The following TBC1D5 variants were observed in gnomAD, a reference collection of about 807,000 sequenced individuals.
The protein encoded by TBC1D5 is TBC1 domain family member 5.
A neutral mutation model predicts 100.3 loss-of-function variants in TBC1D5; 75 were observed. That is an observed-to-expected ratio of 0.75 (90% CI 0.62 to 0.91). TBC1D5 has a LOEUF of 0.91. Among genes scored for constraint, TBC1D5 ranks in the 40% least tolerant of loss-of-function variants. TBC1D5 has a pLI of 0.00. For synonymous variants in TBC1D5, 323 were observed against 325.6 expected (o/e 0.99, Z 0.09); for missense variants, 910 against 942.4 (o/e 0.97, Z 0.45).
chr3:17,313,862 C>A (rs544848076), intron 13 of TBC1D5, among the ~76,000 whole-genome samples: 2 of 152,270 alleles, frequency 1.3e-5, no homozygotes, highest in African/African-American at 4.8e-5. Flanking sequence ...CAGATGGGTA[C>A]CTATTAAGAG....
At chr3:17,423,446 C>T (rs115247339) in intron 4 of TBC1D5, among the ~76,000 whole-genome samples, 1 of 152,178 alleles carries the variant, frequency 6.6e-6, no homozygotes, top group Non-Finnish European at 1.5e-5. Context: ...ATCTTTTTAG[C>T]ATTCAAGTAA....
At chr3:17,423,644 T>C (rs2094270378) in intron 4 of TBC1D5, among the ~76,000 whole-genome samples, 1 of 152,084 alleles carries the variant, frequency 6.6e-6, no homozygotes, top group Admixed American at 6.5e-5. Flanking sequence ...AGAGTGTACA[T>C]TTTTCTTAAG....
intron 2 of TBC1D5, among the ~76,000 whole-genome samples, chr3:17,530,545 G>C (rs1234415873): frequency 6.6e-6 from 1 of 152,152 alleles, no homozygotes; most frequent in Admixed American, 6.5e-5. Flanking sequence ...AGGCATTCCT[G>C]CATATTACTG....
chr3:17,650,315 C>T (rs1168081698), intron 1 of TBC1D5, among the ~76,000 whole-genome samples: 1 of 151,806 alleles, frequency 6.6e-6, no homozygotes, highest in Non-Finnish European at 1.5e-5. Flanking sequence ...AAAAATAAAA[C>T]TGGTATGTCA....
chr3:17,703,334 C>T (rs563425824), intron 1 of TBC1D5, among the ~76,000 whole-genome samples: 18 of 151,678 alleles, frequency 1.2e-4, no homozygotes, highest in Non-Finnish European at 1.9e-4. Context: ...TATATAGATA[C>T]ATCCATGCAT....
intron 16 of TBC1D5, among the ~76,000 whole-genome samples, chr3:17,243,631 T>C (rs1041874329): frequency 6.6e-5 from 10 of 152,146 alleles, no homozygotes; most frequent in Admixed American, 3.3e-4. Flanking sequence ...TAAAAGCTCA[T>C]GTAACTATTT....
intron 1 of TBC1D5, among the ~76,000 whole-genome samples, chr3:17,691,732 A>G (rs904482211): frequency 6.6e-6 from 1 of 151,748 alleles, no homozygotes; most frequent in African/African-American, 2.4e-5. Flanking sequence ...CAGGAGAATC[A>G]CTTGAACCCG....
chr3:17,630,133 G>A (rs966295052), intron 1 of TBC1D5, among the ~76,000 whole-genome samples: 4 of 152,144 alleles, frequency 2.6e-5, no homozygotes, highest in Non-Finnish European at 5.9e-5. Flanking sequence ...CTTAAGAGGA[G>A]GAAGTTCTCA....
At chr3:17,666,728 C>T (rs1020723855) in intron 1 of TBC1D5, among the ~76,000 whole-genome samples, 4 of 151,926 alleles carry the variant, frequency 2.6e-5, no homozygotes, top group East Asian at 1.9e-4. Context: ...ACCTGTGTAA[C>T]GATCTTATAT....
At chr3:17,471,528 A>C (rs2095372059) in intron 3 of TBC1D5, among the ~76,000 whole-genome samples, 1 of 152,154 alleles carries the variant, frequency 6.6e-6, no homozygotes, top group South Asian at 2.1e-4. Context: ...AGGAAAAGGT[A>C]ACAAATAATA....
chr3:17,523,746 TCA>T (rs970312332), intron 2 of TBC1D5, among the ~76,000 whole-genome samples: 5 of 152,214 alleles, frequency 3.3e-5, no homozygotes, highest in African/African-American at 9.6e-5. Context: ...ACAAAAATTT[TCA>T]CATATATCAT....
At chr3:17,248,263 A>T (rs1318747525) in intron 16 of TBC1D5, among the ~76,000 whole-genome samples, 1 of 152,218 alleles carries the variant, frequency 6.6e-6, no homozygotes, top group Non-Finnish European at 1.5e-5. Context: ...AAGTGCTGGC[A>T]TTACAGGCGT....
At chr3:17,255,879 A>C (rs965576259) in intron 16 of TBC1D5, among the ~76,000 whole-genome samples, 1 of 152,118 alleles carries the variant, frequency 6.6e-6, no homozygotes, top group Non-Finnish European at 1.5e-5. Context: ...TACTAAAAAT[A>C]CAAAAAATTA....
At chr3:17,547,578 C>T (rs371701065) in intron 2 of TBC1D5, among the ~76,000 whole-genome samples, 30 of 152,216 alleles carry the variant, frequency 2.0e-4, no homozygotes, top group African/African-American at 7.0e-4. Context: ...GATTTCCTAG[C>T]CTAGAGTGTA....
intron 2 of TBC1D5, among the ~76,000 whole-genome samples, chr3:17,623,141 T>C (rs559924032): frequency 1.7e-4 from 26 of 152,304 alleles, no homozygotes; most frequent in African/African-American, 5.8e-4. Context: ...GTCTGAATTA[T>C]GGCAGTGCTT....
chr3:17,733,674 A>G (rs2076742679), intron 1 of TBC1D5, among the ~76,000 whole-genome samples: 1 of 152,202 alleles, frequency 6.6e-6, no homozygotes, highest in African/African-American at 2.4e-5. Context: ...GATAAAACAC[A>G]GGTACCATAT....
intron 18 of TBC1D5, among the ~76,000 whole-genome samples, chr3:17,187,889 C>T (rs1314004796): frequency 1.3e-5 from 2 of 152,230 alleles, no homozygotes; most frequent in African/African-American, 4.8e-5. Context: ...CCTCTATTTA[C>T]TCCATGCATT....
At chr3:17,311,148 C>A (rs986451323) in intron 13 of TBC1D5, among the ~76,000 whole-genome samples, 2 of 151,958 alleles carry the variant, frequency 1.3e-5, no homozygotes, top group African/African-American at 4.8e-5. Flanking sequence ...AATTAACATG[C>A]TTTTATTGCA....
intron 3 of TBC1D5, among the ~76,000 whole-genome samples, chr3:17,451,975 A>G (rs552971711): frequency 6.6e-6 from 1 of 152,282 alleles, no homozygotes; most frequent in South Asian, 2.1e-4. Flanking sequence ...ATTTAACCCA[A>G]AGGTGATTAC....
Sources: allele counts gnomAD v4.1 joint callset (sites outside exome capture counted in the v4.1 genomes callset), GRCh38; gene constraint gnomAD v4.1.1; transcripts MANE v1.5; gene names NCBI Gene and HGNC (gene_info 2026-07-23, HGNC 2026-07-21).